The following NEBL variants were observed in gnomAD, a reference collection of about 807,000 sequenced individuals.
NEBL encodes the protein LIM and SH3 protein 2.
A neutral mutation model predicts 140.2 loss-of-function variants in NEBL; 122 were observed. That is an observed-to-expected ratio of 0.87 (90% CI 0.75 to 1.01). NEBL has a LOEUF of 1.01. Among genes scored for constraint, NEBL ranks in the 50% least tolerant of loss-of-function variants. The pLI is 0.00. For missense variants in NEBL, 1,365 were observed against 1,231.3 expected, an observed-to-expected ratio of 1.11 and a Z score of -1.62; for synonymous variants, 436 against 398.9, an observed-to-expected ratio of 1.09 and a Z score of -1.11.
At chr10:21,165,699 T>C (rs1054119056) in intron 2 of NEBL, among the ~76,000 whole-genome samples, 3 of 152,116 alleles carry the variant, frequency 2.0e-5, no homozygotes, top group African/African-American at 7.2e-5. Context: ...TACAGACAGA[T>C]AAGCTCATGG....
At chr10:20,923,666 C>CAAAAAA (rs71390799) in intron 4 of NEBL, among the ~76,000 whole-genome samples, 2,600 of 28,338 alleles carry the variant, frequency 0.092, 722 homozygotes, top group Non-Finnish European at 0.12. Flanking sequence ...GACTCCGTCT[C>CAAAAAA]AAAAAAAAAA....
intron 26 of NEBL, among the ~76,000 whole-genome samples, chr10:20,788,176 A>T (rs1394234562): frequency 6.6e-6 from 1 of 152,180 alleles, no homozygotes; most frequent in Admixed American, 6.5e-5. Flanking sequence ...TTCTCTGTGA[A>T]TGTGTTTAAG....
rs1841831432 is a variant in NEBL at position 21,206,721 on chromosome 10, G to A, written n.349-34244C>T. Among the ~76,000 whole-genome samples, 4 of 152,318 alleles carry A rather than the reference G, an allele frequency of 2.6e-5. No homozygotes were observed. In the South Asian group the frequency reaches 8.3e-4, roughly 32 times the overall value. On this transcript the variant is annotated intron_variant and non_coding_transcript_variant, in intron 3 of 8. Coordinates refer to the NEBL transcript ENST00000675702. Reference sequence around the variant, plus strand: ...TTCGAGAGTTTGGGAGTGGGCTGAAGTATAGAGATCGTTGACTGGTAGAAG... The same window carrying A: ...TTCGAGAGTTTGGGAGTGGGCTGAAATATAGAGATCGTTGACTGGTAGAAG...
intron 2 of NEBL, among the ~76,000 whole-genome samples, chr10:21,143,177 A>G (rs1042607453): frequency 3.3e-5 from 5 of 152,176 alleles, no homozygotes; most frequent in Admixed American, 1.3e-4. Flanking sequence ...AGCCAGGCCC[A>G]GTGGCTCACA....
chr10:21,179,104 G>C (rs1327896528), upstream of NEBL, among the ~76,000 whole-genome samples: 15 of 152,162 alleles, frequency 9.9e-5, no homozygotes, highest in Admixed American at 9.8e-4. Context: ...TAATGAAACT[G>C]TCCCTATAAA....
rs1220384543 is a variant in NEBL at position 20,859,430 on chromosome 10, C to T, written c.798+283G>A. Among the ~76,000 whole-genome samples the T allele has an allele frequency of 5.3e-5, 8 of 152,132 alleles. No individual in the cohort carries two copies. In the East Asian group the frequency reaches 1.5e-3, roughly 29 times the overall value. The stretch of plus-strand genomic sequence containing the variant: ...TCCTAACCACTAATTTGTGTTAATA[C>T]AGACCACTTCTCTGCAAAATTCTAT... On this transcript the variant is annotated intron_variant, in intron 8 of 27. Transcript: ENST00000377122.
chr10:21,261,848 A>C (rs1842742752), intron 1 of NEBL, among the ~76,000 whole-genome samples: 1 of 152,078 alleles, frequency 6.6e-6, no homozygotes, highest in Admixed American at 6.6e-5. Flanking sequence ...ACATGCACCA[A>C]AACAGCCCTG....
chr10:21,221,568 G>A lies in NEBL; in HGVS notation n.348+26353C>T, dbSNP rs140949052. On this transcript the variant is annotated intron_variant and non_coding_transcript_variant, in intron 3 of 8. Transcript: ENST00000675702. ...TGCCCAGGCTGGAGTGCACTGGCCC[G>A]ATCTCGGCTCACTGCAAGCTCTACC... Among the ~76,000 whole-genome samples, 301 of 151,868 alleles carry A rather than the reference G, an allele frequency of 2.0e-3. 1 individual carries two copies. The highest frequency in any genetic ancestry group is 6.8e-3 in the Middle Eastern group (2 of 294).
At chr10:20,966,176 A>C (rs1010458276) in intron 3 of NEBL, among the ~76,000 whole-genome samples, 1 of 152,258 alleles carries the variant, frequency 6.6e-6, no homozygotes, top group South Asian at 2.1e-4. Context: ...GAAATTCTAT[A>C]TATGTCATAT....
At chr10:21,292,846 C>T (rs1171245064) in exon 1 of NEBL, among the ~76,000 whole-genome samples, 1 of 152,110 alleles carries the variant, frequency 6.6e-6, no homozygotes, top group Non-Finnish European at 1.5e-5. Flanking sequence ...GGCTCTTTTT[C>T]CACCCACGCA....
chr10:21,265,883 T>C (rs1842791402), intron 1 of NEBL, among the ~76,000 whole-genome samples: 1 of 152,192 alleles, frequency 6.6e-6, no homozygotes, highest in Non-Finnish European at 1.5e-5. Context: ...GTGGCTGGAT[T>C]TGGTCCTTGG....
intron 2 of NEBL, among the ~76,000 whole-genome samples, chr10:21,059,608 T>C (rs944225959): frequency 6.6e-6 from 1 of 152,234 alleles, no homozygotes; most frequent in Non-Finnish European, 1.5e-5. Flanking sequence ...TGGAAAAGCA[T>C]AATGCTCTGT....
chr10:21,180,958 T>A (rs540222896), intron 3 of NEBL, among the ~76,000 whole-genome samples: 10 of 152,152 alleles, frequency 6.6e-5, no homozygotes, highest in South Asian at 2.1e-4. Flanking sequence ...GTATTTTTTT[T>A]AAATAAAAAT....
upstream of NEBL, among the ~76,000 whole-genome samples, chr10:20,898,574 GA>G (rs1477899185): frequency 6.6e-6 from 1 of 152,020 alleles, no homozygotes; most frequent in African/African-American, 2.4e-5. Flanking sequence ...GATTCTGGGG[GA>G]AAAAAGCAGG....
intron 2 of NEBL, among the ~76,000 whole-genome samples, chr10:21,116,780 C>T (rs970179073): frequency 8.6e-5 from 13 of 152,014 alleles, no homozygotes; most frequent in Admixed American, 7.9e-4. Context: ...AGCAATCCTC[C>T]CACCTTAACC....
At chr10:21,050,802 A>G (rs1402049884) in intron 2 of NEBL, among the ~76,000 whole-genome samples, 1 of 151,898 alleles carries the variant, frequency 6.6e-6, no homozygotes, top group Non-Finnish European at 1.5e-5. Flanking sequence ...GTCTCATCCT[A>G]TGTAGAATGC....
At chr10:21,168,514 C>T (rs568178435) in intron 2 of NEBL, among the ~76,000 whole-genome samples, 39 of 151,952 alleles carry the variant, frequency 2.6e-4, no homozygotes, top group Admixed American at 1.3e-3. Context: ...AAAGTATGAG[C>T]GCTGATTGGA....
At chr10:21,058,264 A>G (rs1342455656) in intron 2 of NEBL, among the ~76,000 whole-genome samples, 2 of 152,190 alleles carry the variant, frequency 1.3e-5, no homozygotes, top group East Asian at 3.8e-4. Flanking sequence ...AGAGCATAGC[A>G]TTCTCCCTGG....
In NEBL at chr10:20,794,058, C is replaced by T. The variant is rs573388133; in HGVS notation, c.2762-6750G>A. ...TTGAACCTGGGCCTCGGGAAGCAGCCTGGGACTGCAGGAAGAAATCCAAGT... is the reference window on the plus strand; with the variant it reads ...TTGAACCTGGGCCTCGGGAAGCAGCTTGGGACTGCAGGAAGAAATCCAAGT... On this transcript the variant is annotated intron_variant, in intron 26 of 27. Transcript: ENST00000377122. Among the ~76,000 whole-genome samples the T allele has an allele frequency of 7.2e-5, 11 of 152,292 alleles. No homozygotes were observed. In the South Asian group the frequency reaches 2.1e-3, roughly 29 times the overall value.
Sources: allele counts gnomAD v4.1 joint callset (sites outside exome capture counted in the v4.1 genomes callset), GRCh38; gene constraint gnomAD v4.1.1; transcripts MANE v1.5; gene names NCBI Gene and HGNC (gene_info 2026-07-23, HGNC 2026-07-21).